The following DNAH11 variants were observed in gnomAD, a reference collection of about 807,000 sequenced individuals.
The protein encoded by DNAH11 is axonemal beta dynein heavy chain 11.
A neutral mutation model predicts 526.0 loss-of-function variants in DNAH11; 442 were observed. The observed-to-expected ratio is 0.84, with a 90% confidence interval of 0.78 to 0.91. The LOEUF is 0.91. Ranked by LOEUF, DNAH11 falls within the 40% of genes least tolerant of loss-of-function variation. The probability of loss-of-function intolerance (pLI) is 0.00; values close to 1 mark genes in which losing one functional copy is unlikely to be tolerated. For synonymous variants in DNAH11, 2,461 were observed against 1,935.9 expected (o/e 1.27, Z -7.12); for missense variants, 6,989 against 5,448.7 (o/e 1.28, Z -8.90).
chr7:21,868,829 G>C (rs1213985057), intron 72 of DNAH11, 35 bp from the exon 73 acceptor site: 1 of 1,613,154 alleles, frequency 6.2e-7, no homozygotes, highest in Non-Finnish European at 8.5e-7. Context: ...CTCCTTCATA[G>C]ACATTTCCTC....
chr7:21,855,594 C>T (rs1435927199), intron 68 of DNAH11, among the ~76,000 whole-genome samples: 2 of 152,108 alleles, frequency 1.3e-5, no homozygotes, highest in African/African-American at 4.8e-5. Context: ...CAAGAATTTA[C>T]ATTTGTTATT....
chr7:21,575,428 T>C (rs1784052679), intron 8 of DNAH11, among the ~76,000 whole-genome samples: 1 of 152,232 alleles, frequency 6.6e-6, no homozygotes, highest in African/African-American at 2.4e-5. Flanking sequence ...CTGTACTAGG[T>C]TGTATTCTAA....
At chr7:21,634,489 G>C (rs1786765458) in intron 25 of DNAH11, among the ~76,000 whole-genome samples, 1 of 152,186 alleles carries the variant, frequency 6.6e-6, no homozygotes. Flanking sequence ...ACCTAGAGTA[G>C]AGAAAAATGA....
At chr7:21,646,880 T>C (rs1787377272) in intron 28 of DNAH11, among the ~76,000 whole-genome samples, 1 of 152,020 alleles carries the variant, frequency 6.6e-6, no homozygotes, top group Non-Finnish European at 1.5e-5. Context: ...GGAGTGAAAA[T>C]ATATTCATTT....
chr7:21,594,566 T>C (rs1784801625), intron 14 of DNAH11, among the ~76,000 whole-genome samples: 1 of 151,840 alleles, frequency 6.6e-6, no homozygotes, highest in Non-Finnish European at 1.5e-5. Flanking sequence ...AGGATGCAGT[T>C]TTAAGTAGGA....
intron 30 of DNAH11, among the ~76,000 whole-genome samples, chr7:21,674,621 G>C (rs1238830874): frequency 1.3e-5 from 2 of 152,004 alleles, no homozygotes; most frequent in African/African-American, 4.8e-5. Flanking sequence ...GGCCTGCCAC[G>C]ATCTTTCTTT....
intron 25 of DNAH11, among the ~76,000 whole-genome samples, chr7:21,628,433 A>G (rs889901998): frequency 2.0e-5 from 3 of 152,158 alleles, no homozygotes; most frequent in Non-Finnish European, 2.9e-5. Flanking sequence ...GATTTATTGT[A>G]TATGTCCTTT....
At chr7:21,822,896 A>G (rs1330938955) in intron 65 of DNAH11, among the ~76,000 whole-genome samples, 4 of 129,722 alleles carry the variant, frequency 3.1e-5, no homozygotes, top group Admixed American at 7.7e-5. Flanking sequence ...GGCCATTTGT[A>G]TGTCTTCTTT....
chr7:21,602,557 TTGTGTGTGTGTGTGTGTGTGTGTG>T lies in DNAH11; in HGVS notation c.3648+959_3648+982del, dbSNP rs60703018. Reference sequence around the variant, plus strand: ...TATGCCAATATTGATATTTTATAGATTGTGTGTGTGTGTGTGTGTGTGTGTGTGTGTGTGTGTGTGTGTACACAC... The same window carrying T: ...TATGCCAATATTGATATTTTATAGATTGTGTGTGTGTGTGTGTGTACACAC... On this transcript the variant is annotated intron_variant, in intron 18 of 81. Transcript: ENST00000409508. Among the ~76,000 whole-genome samples the T allele has an allele frequency of 2.4e-3, 351 of 149,126 alleles. 2 individuals carry two copies. The highest frequency in any genetic ancestry group is 7.4e-3 in the African/African-American group (298 of 40,382).
At chr7:21,789,806 T>TC (rs1562547146) in intron 61 of DNAH11, among the ~76,000 whole-genome samples, 2 of 68,766 alleles carry the variant, frequency 2.9e-5, no homozygotes, top group East Asian at 4.2e-4. Flanking sequence ...TCTTTCTTTC[T>TC]TTTTTCTTTC....
chr7:21,666,741 A>G (rs886858526), intron 30 of DNAH11, among the ~76,000 whole-genome samples: 2 of 150,432 alleles, frequency 1.3e-5, no homozygotes, highest in Non-Finnish European at 2.9e-5. Flanking sequence ...TACCAAGTGT[A>G]TATTGGACAC....
chr7:21,603,190 G>C (rs1057188748), intron 18 of DNAH11, among the ~76,000 whole-genome samples: 5 of 152,106 alleles, frequency 3.3e-5, no homozygotes, highest in Non-Finnish European at 7.4e-5. Flanking sequence ...CTTTCACTTG[G>C]TATAATGTTT....
At chr7:21,778,177 T>C (rs1787761076) in intron 56 of DNAH11, among the ~76,000 whole-genome samples, 1 of 152,170 alleles carries the variant, frequency 6.6e-6, no homozygotes, top group Admixed American at 6.6e-5. Flanking sequence ...GATGAAATTA[T>C]AACTGAAAAA....
chr7:21,893,513 T>TG (rs1784401973), intron 77 of DNAH11, among the ~76,000 whole-genome samples: 1 of 152,216 alleles, frequency 6.6e-6, no homozygotes, highest in African/African-American at 2.4e-5. Context: ...TGATGCCAGC[T>TG]GGCAGGCATG....
chr7:21,838,476 A>G (rs949604777), intron 65 of DNAH11, among the ~76,000 whole-genome samples: 5 of 152,170 alleles, frequency 3.3e-5, no homozygotes, highest in African/African-American at 7.2e-5. Flanking sequence ...CATCAACACA[A>G]TCTGTTTTAA....
intron 35 of DNAH11, 93 bp downstream of exon 35, chr7:21,690,974 A>C: frequency 1.1e-6 from 1 of 893,958 alleles, no homozygotes; most frequent in Non-Finnish European, 1.7e-6. Context: ...TTTACTTGAA[A>C]ATTCCTAAGG....
In DNAH11 at chr7:21,755,713, A is replaced by G. The variant is rs188470403; in HGVS notation, c.8940+5349A>G. Among the ~76,000 whole-genome samples, 277 of 152,254 alleles carry G rather than the reference A, an allele frequency of 1.8e-3. 1 individual carries two copies. Among genetic ancestry groups the G allele is most frequent in the Middle Eastern group, 3.4e-3 (1 of 292 alleles). ...ATTCAGAACTAAAAAATTTCTATTT[A>G]CCTCTCACGCAGTCTTCTTTAATTA... On this transcript the variant is annotated intron_variant, in intron 54 of 81. Transcript: ENST00000409508.
chr7:21,598,052 A>T (rs1784932066), intron 14 of DNAH11, among the ~76,000 whole-genome samples: 1 of 152,126 alleles, frequency 6.6e-6, no homozygotes, highest in African/African-American at 2.4e-5. Flanking sequence ...CCCCTGCCTT[A>T]TTAGGATCTG....
chr7:21,591,461 C>G lies in DNAH11; in HGVS notation c.2551C>G (p.Pro851Ala). The G allele has an allele frequency of 6.2e-7, 1 of 1,613,870 alleles. No individual in the cohort carries two copies. The highest frequency in any genetic ancestry group is 1.3e-5 in the African/African-American group (1 of 75,036). Reference protein sequence around the residue: ...MRGWARCVLPPRREHRREAAF... With the variant: ...MRGWARCVLPARREHRREAAF... The stretch of plus-strand genomic sequence containing the variant: ...GGGCTGGGCCAGGTGCGTGCTACCT[C>G]CCAGGAGAGAGCACAGACGAGAGGC... The change falls in exon 14 of 82, where the codon CCC becomes GCC. Residue 851 changes from proline to alanine, a missense_variant. Coordinates refer to ENST00000409508, the MANE Select transcript of DNAH11 (RefSeq NM_001277115.2).
Sources: allele counts gnomAD v4.1 joint callset (sites outside exome capture counted in the v4.1 genomes callset), GRCh38; gene constraint gnomAD v4.1.1; transcripts MANE v1.5; gene names NCBI Gene and HGNC (gene_info 2026-07-23, HGNC 2026-07-21).